DPP10: variants seen among roughly 807,000 people sequenced by gnomAD.
DPP10 encodes dipeptidyl peptidase like 10.
DPP10 carries 33 observed loss-of-function variants against 120.9 expected under a neutral mutation model. The ratio of observed to expected loss-of-function variants is 0.27; its 90% CI spans 0.21 to 0.37. The LOEUF is 0.37. Ranked by LOEUF, DPP10 falls within the 10% of genes least tolerant of loss-of-function variation. The probability of loss-of-function intolerance (pLI) is 1.00; values close to 1 mark genes in which losing one functional copy is unlikely to be tolerated. For missense variants in DPP10, 816 were observed against 942.8 expected, an observed-to-expected ratio of 0.87 and a Z score of 1.76; for synonymous variants, 337 against 326.1, an observed-to-expected ratio of 1.03 and a Z score of -0.36.
rs374919888 is a variant in DPP10 at position 114,786,839 on chromosome 2, T to C, written c.60+344001T>C. 5.5e-4 allele frequency among the ~76,000 whole-genome samples: 84 copies of C among 152,236 alleles called. No individual in the cohort carries two copies. The South Asian group carries it at 0.012, about 22-fold the overall frequency. On this transcript the variant is annotated intron_variant, in intron 1 of 25. Coordinates refer to ENST00000410059, the MANE Select transcript of DPP10 (RefSeq NM_020868.6). ...CAGCGCTGGCTGGGCCTCTGGAAAA[T>C]TGGGAATCCATGGGCTCTCCATCAT...
intron 1 of DPP10, among the ~76,000 whole-genome samples, chr2:114,866,336 G>A (rs1690232363): frequency 6.6e-6 from 1 of 151,508 alleles, no homozygotes; most frequent in Admixed American, 6.6e-5. Context: ...TATTTGCATT[G>A]TTATCTAATA....
chr2:114,955,175 C>T (rs1465362297), intron 1 of DPP10, among the ~76,000 whole-genome samples: 1 of 152,194 alleles, frequency 6.6e-6, no homozygotes, highest in East Asian at 1.9e-4. Context: ...GTATGCTAAA[C>T]AAAGGGTGGA....
chr2:114,904,993 A>G (rs1357980126), intron 1 of DPP10, among the ~76,000 whole-genome samples: 1 of 152,148 alleles, frequency 6.6e-6, no homozygotes, highest in East Asian at 1.9e-4. Context: ...CATCAAAGCC[A>G]AGGGTTTCTA....
In DPP10 at chr2:114,892,861, A is replaced by C. The variant is rs181354549; in HGVS notation, c.61-416378A>C. Among the ~76,000 whole-genome samples the C allele has an allele frequency of 4.1e-3, 622 of 152,212 alleles. 2 individuals are homozygous for C. The highest frequency in any genetic ancestry group is 0.014 in the African/African-American group (594 of 41,510). ...CACAGGATGGAGTCCTGGACCCCCC[A>C]AAAAATGGCAGTGATGGGAAGGGAA... On this transcript the variant is annotated intron_variant, in intron 1 of 25. Coordinates refer to ENST00000410059, the MANE Select transcript of DPP10 (RefSeq NM_020868.6).
At chr2:114,645,356 T>C (rs575736658) in intron 1 of DPP10, among the ~76,000 whole-genome samples, 3 of 152,344 alleles carry the variant, frequency 2.0e-5, no homozygotes, top group African/African-American at 7.2e-5. Context: ...CCAAGATACC[T>C]GAAGAACTGA....
intron 1 of DPP10, among the ~76,000 whole-genome samples, chr2:115,260,046 C>T (rs2059184655): frequency 6.6e-6 from 1 of 151,180 alleles, no homozygotes; most frequent in Admixed American, 6.6e-5. Flanking sequence ...AAAATTTATA[C>T]AATTCATTCA....
chr2:114,948,284 G>C (rs1001237205), intron 1 of DPP10, among the ~76,000 whole-genome samples: 2 of 151,822 alleles, frequency 1.3e-5, no homozygotes, highest in East Asian at 3.9e-4. Flanking sequence ...GTTTCTATTT[G>C]TTTTTTCTTT....
intron 4 of DPP10, among the ~76,000 whole-genome samples, chr2:115,515,313 C>T (rs2077444486): frequency 6.6e-6 from 1 of 151,828 alleles, no homozygotes; most frequent in Non-Finnish European, 1.5e-5. Flanking sequence ...TTAATCAAAC[C>T]CACCAATAGT....
intron 1 of DPP10, among the ~76,000 whole-genome samples, chr2:114,895,343 A>G (rs35192715): frequency 0.27 from 40,476 of 152,158 alleles, 5,980 homozygotes; most frequent in East Asian, 0.59. Flanking sequence ...AGACTCACCA[A>G]ACCCCTTCCT....
intron 5 of DPP10, among the ~76,000 whole-genome samples, chr2:115,637,060 G>C (rs1053850836): frequency 6.6e-6 from 1 of 151,934 alleles, no homozygotes; most frequent in Admixed American, 6.6e-5. Context: ...ATATATGTTT[G>C]AACAGATAAT....
At chr2:115,628,987 C>T (rs2085606439) in intron 5 of DPP10, among the ~76,000 whole-genome samples, 2 of 152,024 alleles carry the variant, frequency 1.3e-5, no homozygotes, top group East Asian at 1.9e-4. Flanking sequence ...CACGACAGGC[C>T]CCAGTGTGTG....
chr2:114,734,711 A>G (rs189405501), intron 1 of DPP10, among the ~76,000 whole-genome samples: 4 of 152,330 alleles, frequency 2.6e-5, no homozygotes, highest in African/African-American at 7.2e-5. Flanking sequence ...ATTATCACAG[A>G]AAAGTGTCTG....
intron 1 of DPP10, among the ~76,000 whole-genome samples, chr2:114,842,614 T>A (rs1016833459): frequency 6.6e-6 from 1 of 152,092 alleles, no homozygotes; most frequent in Non-Finnish European, 1.5e-5. Flanking sequence ...GTCTTAAGAA[T>A]ATATATTTAG....
intron 1 of DPP10, among the ~76,000 whole-genome samples, chr2:114,730,519 A>G (rs1487249926): frequency 4.6e-5 from 7 of 152,210 alleles, no homozygotes; most frequent in African/African-American, 1.7e-4. Context: ...TAGTCTTTGT[A>G]AAGAAACCCA....
chr2:115,421,391 C>A (rs1047086531), intron 3 of DPP10, among the ~76,000 whole-genome samples: 5 of 152,062 alleles, frequency 3.3e-5, no homozygotes, highest in African/African-American at 4.8e-5. Flanking sequence ...AAAATTCTAA[C>A]CATGTTCTTA....
intron 1 of DPP10, among the ~76,000 whole-genome samples, chr2:114,726,584 T>C (rs1232088835): frequency 6.6e-6 from 1 of 152,252 alleles, no homozygotes; most frequent in African/African-American, 2.4e-5. Context: ...TCTGTAACTA[T>C]TGAAAAATTT....
At chr2:114,696,890 G>C (rs374188402) in intron 1 of DPP10, among the ~76,000 whole-genome samples, 1 of 152,090 alleles carries the variant, frequency 6.6e-6, no homozygotes, top group East Asian at 1.9e-4. Context: ...ATTTTGCAGT[G>C]TGCTATTTAT....
intron 4 of DPP10, among the ~76,000 whole-genome samples, chr2:115,506,181 ACTT>A (rs991377608): frequency 2.6e-5 from 4 of 152,088 alleles, no homozygotes; most frequent in Non-Finnish European, 5.9e-5. Context: ...CGTTGCCAAA[ACTT>A]CTGCAGCCCT....
At chr2:115,800,410 C>A (rs1282331646) in intron 19 of DPP10, among the ~76,000 whole-genome samples, 2 of 151,886 alleles carry the variant, frequency 1.3e-5, no homozygotes, top group African/African-American at 4.9e-5. Context: ...ACAGTAGTTT[C>A]TTTTGCTGTG....
Sources: allele counts gnomAD v4.1 joint callset (sites outside exome capture counted in the v4.1 genomes callset), GRCh38; gene constraint gnomAD v4.1.1; transcripts MANE v1.5; gene names NCBI Gene and HGNC (gene_info 2026-07-23, HGNC 2026-07-21).